GLIS3: variants seen among roughly 807,000 people sequenced by gnomAD.
The protein encoded by GLIS3 is zinc finger protein GLIS3.
GLIS3 carries 53 observed loss-of-function variants against 78.6 expected under a neutral mutation model. That is an observed-to-expected ratio of 0.67 (90% CI 0.54 to 0.85). GLIS3 has a LOEUF of 0.85. Among genes scored for constraint, GLIS3 ranks in the 40% least tolerant of loss-of-function variants. GLIS3 has a pLI of 0.00. For missense variants in GLIS3, 1,703 were observed against 1,231.1 expected (o/e 1.38, Z -5.74); for synonymous variants, 684 against 509.9 (o/e 1.34, Z -4.60).
At chr9:3,910,956 T>C (rs1214191798) in intron 6 of GLIS3, among the ~76,000 whole-genome samples, 1 of 152,156 alleles carries the variant, frequency 6.6e-6, no homozygotes, top group Non-Finnish European at 1.5e-5. Flanking sequence ...GTAAATGACA[T>C]CCAAATATTA....
At chr9:4,151,848 C>T (rs1452688909) in intron 2 of GLIS3, among the ~76,000 whole-genome samples, 1 of 152,136 alleles carries the variant, frequency 6.6e-6, no homozygotes, top group African/African-American at 2.4e-5. Flanking sequence ...AGGAGAGAAC[C>T]TTTGGAAGGC....
At chr9:4,053,580 C>G (rs1486388531) in intron 4 of GLIS3, among the ~76,000 whole-genome samples, 1 of 151,400 alleles carries the variant, frequency 6.6e-6, no homozygotes, top group South Asian at 2.1e-4. Context: ...AAAACAGTCC[C>G]AGGCACATAG....
At chr9:3,912,435 A>C (rs932471055) in intron 6 of GLIS3, among the ~76,000 whole-genome samples, 13 of 152,112 alleles carry the variant, frequency 8.5e-5, no homozygotes, top group African/African-American at 2.9e-4. Flanking sequence ...ACCCACAACA[A>C]AACTTTTTAG....
intron 4 of GLIS3, among the ~76,000 whole-genome samples, chr9:4,091,286 G>C (rs1471642462): frequency 6.6e-6 from 1 of 152,024 alleles, no homozygotes; most frequent in African/African-American, 2.4e-5. Flanking sequence ...AGGATCTCTT[G>C]AGCCTGGGAG....
chr9:4,454,697 T>C, the GLIS3 span, among the ~76,000 whole-genome samples: 1 of 152,216 alleles, frequency 6.6e-6, no homozygotes, highest in Non-Finnish European at 1.5e-5. Flanking sequence ...AGGGAATATA[T>C]TTTGCCCTCT....
At chr9:4,029,578 C>A (rs546192062) in intron 4 of GLIS3, among the ~76,000 whole-genome samples, 2 of 152,064 alleles carry the variant, frequency 1.3e-5, no homozygotes, top group South Asian at 4.2e-4. Context: ...ACTAACCATC[C>A]CTGCCTGTCC....
intron 4 of GLIS3, among the ~76,000 whole-genome samples, chr9:4,080,269 T>C (rs968826281): frequency 1.3e-5 from 2 of 152,194 alleles, no homozygotes; most frequent in African/African-American, 4.8e-5. Flanking sequence ...ATGTCTCAGG[T>C]ATTGTGCTAG....
At chr9:4,233,877 G>C (rs1423968005) in intron 2 of GLIS3, among the ~76,000 whole-genome samples, 2 of 152,332 alleles carry the variant, frequency 1.3e-5, no homozygotes, top group African/African-American at 2.4e-5. Context: ...TGGAGAACTT[G>C]CTGCAGCTCC....
At chr9:4,333,886 G>A (rs1236898543) in intron 2 of GLIS3, among the ~76,000 whole-genome samples, 3 of 152,122 alleles carry the variant, frequency 2.0e-5, no homozygotes, top group African/African-American at 7.2e-5. Flanking sequence ...GCAACGCCAG[G>A]GAAAACCACT....
At chr9:4,335,075 A>T (rs892727770) in intron 2 of GLIS3, among the ~76,000 whole-genome samples, 1 of 151,720 alleles carries the variant, frequency 6.6e-6, no homozygotes, top group Admixed American at 6.6e-5. Context: ...TACCTGGCTA[A>T]TTTTTTGTGT....
the GLIS3 span, among the ~76,000 whole-genome samples, chr9:4,364,031 T>A: frequency 6.6e-6 from 1 of 152,232 alleles, no homozygotes; most frequent in African/African-American, 2.4e-5. Flanking sequence ...AGGTAGCATA[T>A]AATCCCTATA....
intron 4 of GLIS3, among the ~76,000 whole-genome samples, chr9:4,057,120 G>A (rs1826216921): frequency 6.6e-6 from 1 of 152,032 alleles, no homozygotes; most frequent in African/African-American, 2.4e-5. Flanking sequence ...GCAGCTTCAT[G>A]AAGCGTCAAC....
chr9:4,013,817 A>G (rs527559978), intron 4 of GLIS3, among the ~76,000 whole-genome samples: 2 of 152,316 alleles, frequency 1.3e-5, no homozygotes, highest in East Asian at 3.9e-4. Context: ...TAAAATCTGG[A>G]TGATCCAACT....
intron 4 of GLIS3, among the ~76,000 whole-genome samples, chr9:4,059,803 T>TG (rs1588568282): frequency 8.1e-6 from 1 of 122,756 alleles, no homozygotes; most frequent in East Asian, 2.6e-4. Flanking sequence ...CTCAGCTTTA[T>TG]TTGTGTGTGT....
the GLIS3 span, among the ~76,000 whole-genome samples, chr9:4,372,573 A>AG: frequency 6.8e-6 from 1 of 147,114 alleles, no homozygotes; most frequent in Non-Finnish European, 1.5e-5. Flanking sequence ...AAAAAAAAAA[A>AG]TCACACAGCG....
At chr9:3,877,434 G>A (rs1027339192) in intron 8 of GLIS3, among the ~76,000 whole-genome samples, 2 of 152,128 alleles carry the variant, frequency 1.3e-5, no homozygotes, top group African/African-American at 4.8e-5. Flanking sequence ...AAAAAGTCCA[G>A]CATCTTCTGA....
chr9:4,003,362 G>T (rs982248873), intron 4 of GLIS3, among the ~76,000 whole-genome samples: 2 of 152,150 alleles, frequency 1.3e-5, no homozygotes, highest in Non-Finnish European at 2.9e-5. Flanking sequence ...AGAGAAAGAG[G>T]ACAGAGATAG....
intron 6 of GLIS3, among the ~76,000 whole-genome samples, chr9:3,905,925 C>A (rs1823665438): frequency 6.6e-6 from 1 of 152,204 alleles, no homozygotes; most frequent in Non-Finnish European, 1.5e-5. Flanking sequence ...ATGCTCCCCA[C>A]ATGCTATTCT....
At chr9:3,879,097 C>T (rs10814737) in intron 8 of GLIS3, among the ~76,000 whole-genome samples, 135,121 of 152,102 alleles carry the variant, frequency 0.89, 60,944 homozygotes, top group East Asian at 1. Flanking sequence ...TCGGGAAGTG[C>T]TTCGACCTGC....
Sources: gnomAD v4.1 joint callset for allele counts (sites outside exome capture counted in the v4.1 genomes callset) on GRCh38, gnomAD v4.1.1 for gene constraint, MANE v1.5 for transcripts, NCBI Gene and HGNC (gene_info 2026-07-23, HGNC 2026-07-21) for gene names.